The following CDH13 variants were observed in gnomAD, a reference collection of about 807,000 sequenced individuals.
CDH13 encodes the protein cadherin-13.
A neutral mutation model predicts 63.8 loss-of-function variants in CDH13; 24 were observed. The observed-to-expected ratio is 0.38, with a 90% confidence interval of 0.27 to 0.53. CDH13 has a LOEUF of 0.53. Among genes scored for constraint, CDH13 ranks in the 20% least tolerant of loss-of-function variants. CDH13 has a pLI of 0.85. For synonymous variants in CDH13, 503 were observed against 355.3 expected (o/e 1.42, Z -4.67); for missense variants, 1,049 against 903.1 (o/e 1.16, Z -2.07).
intron 5 of CDH13, among the ~76,000 whole-genome samples, chr16:83,301,587 A>G (rs557963202): frequency 6.6e-6 from 1 of 152,144 alleles, no homozygotes; most frequent in East Asian, 1.9e-4. Flanking sequence ...CCGACAGACT[A>G]TCTTCTCGGA....
In CDH13 at chr16:82,945,810, G is replaced by C. The variant is rs189540042; in HGVS notation, c.158-86200G>C. On this transcript the variant is annotated intron_variant, in intron 2 of 13. Coordinates refer to ENST00000567109, the MANE Select transcript of CDH13 (RefSeq NM_001257.5). Reference sequence around the variant, plus strand: ...CTAAAAAATATTTCCTGTGATTTAGGCACATGGAGAGGCACCGTGTTAGAG... The same window carrying C: ...CTAAAAAATATTTCCTGTGATTTAGCCACATGGAGAGGCACCGTGTTAGAG... 2.0e-5 allele frequency among the ~76,000 whole-genome samples: 3 copies of C among 152,188 alleles called. No individual in the cohort carries two copies. In the East Asian group the frequency reaches 5.8e-4, roughly 30 times the overall value.
chr16:83,530,478 C>A (rs1033191906), intron 7 of CDH13, among the ~76,000 whole-genome samples: 2 of 152,306 alleles, frequency 1.3e-5, no homozygotes, highest in South Asian at 4.1e-4. Context: ...TTCCTGAGAG[C>A]ACTGTGGCTC....
At chr16:83,302,857 C>G (rs1377911076) in intron 5 of CDH13, among the ~76,000 whole-genome samples, 2 of 152,208 alleles carry the variant, frequency 1.3e-5, no homozygotes, top group Admixed American at 6.5e-5. Context: ...CTAACTCAGA[C>G]TGATCTAAAC....
intron 6 of CDH13, among the ~76,000 whole-genome samples, chr16:83,432,111 G>C (rs1403931090): frequency 6.6e-6 from 1 of 152,190 alleles, no homozygotes; most frequent in African/African-American, 2.4e-5. Context: ...AGTGGAGGCA[G>C]GGTTGCTGTT....
chr16:82,813,405 GA>G (rs1368393085), intron 1 of CDH13, among the ~76,000 whole-genome samples: 3 of 152,140 alleles, frequency 2.0e-5, no homozygotes, highest in Non-Finnish European at 4.4e-5. Flanking sequence ...AGTGTTGCAT[GA>G]CTCTCAAGAT....
chr16:83,243,448 C>G (rs1904674949), intron 5 of CDH13, among the ~76,000 whole-genome samples: 1 of 152,076 alleles, frequency 6.6e-6, no homozygotes, highest in Non-Finnish European at 1.5e-5. Context: ...CAGGAAAGAC[C>G]TACCCCCATG....
At chr16:82,988,325 G>T (rs966688509) in intron 2 of CDH13, among the ~76,000 whole-genome samples, 4 of 151,802 alleles carry the variant, frequency 2.6e-5, no homozygotes, top group Non-Finnish European at 4.4e-5. Flanking sequence ...AATGTTTTTT[G>T]TTTTTTTTCT....
chr16:83,664,269 G>T lies in CDH13; in HGVS notation c.1102-6521G>T, dbSNP rs113875270. ...TGTAGTCACTTCAGGGCCTGACTAT[G>T]CCTTTTCTACTGTGACGTAGCTAGG... On this transcript the variant is annotated intron_variant, in intron 8 of 13. Coordinates refer to ENST00000567109, the MANE Select transcript of CDH13 (RefSeq NM_001257.5). 2.2e-3 allele frequency among the ~76,000 whole-genome samples: 330 copies of T among 152,186 alleles called. 2 individuals carry two copies. Among genetic ancestry groups the T allele is most frequent in the African/African-American group, 7.4e-3 (308 of 41,530 alleles).
intron 6 of CDH13, among the ~76,000 whole-genome samples, chr16:83,472,951 A>G (rs1436182866): frequency 6.6e-6 from 1 of 152,166 alleles, no homozygotes; most frequent in Non-Finnish European, 1.5e-5. Context: ...CAGTTCTGAC[A>G]TCCACGGTGG....
intron 6 of CDH13, among the ~76,000 whole-genome samples, chr16:83,410,265 T>C (rs566194839): frequency 6.6e-6 from 1 of 152,360 alleles, no homozygotes; most frequent in South Asian, 2.1e-4. Flanking sequence ...TCCTGCAGAA[T>C]CAAAACCACG....
At chr16:83,139,165 T>C (rs1000437096) in intron 4 of CDH13, among the ~76,000 whole-genome samples, 1 of 152,062 alleles carries the variant, frequency 6.6e-6, no homozygotes, top group African/African-American at 2.4e-5. Flanking sequence ...GTATGTTGCA[T>C]GGAGGTGGGC....
chr16:83,222,077 T>C (rs1246705582), intron 5 of CDH13, among the ~76,000 whole-genome samples: 1 of 152,208 alleles, frequency 6.6e-6, no homozygotes, highest in Non-Finnish European at 1.5e-5. Flanking sequence ...TCATCTCATC[T>C]TCATAAAGAT....
rs758043633 is a variant in CDH13, at chr16:83,197,734, G to A, written c.484-19611G>A. Among the ~76,000 whole-genome samples the A allele has an allele frequency of 6.6e-5, 10 of 151,726 alleles. No homozygotes were observed. The East Asian group carries it at 7.8e-4, about 12-fold the overall frequency. On this transcript the variant is annotated intron_variant, in intron 4 of 13. Transcript: ENST00000567109. The stretch of plus-strand genomic sequence containing the variant: ...TGGTGATGGATACGCAAGCCAATAC[G>A]TAGATAAAACTGCAAAAAACTAAAT...
intron 1 of CDH13, among the ~76,000 whole-genome samples, chr16:82,793,394 A>T (rs532465843): frequency 2.0e-4 from 30 of 151,172 alleles, no homozygotes; most frequent in African/African-American, 6.1e-4. Context: ...AAAAAAAATC[A>T]CTCCACCCCT....
chr16:83,265,753 T>TTTTTTTTTTTTC (rs369864549), intron 5 of CDH13, among the ~76,000 whole-genome samples: 1 of 132,548 alleles, frequency 7.5e-6, no homozygotes, highest in Non-Finnish European at 1.7e-5. Context: ...TTTTTTTTTT[T>TTTTTTTTTTTTC]GGTCTGTGTC....
At chr16:83,482,256 G>C (rs889661766) in intron 6 of CDH13, among the ~76,000 whole-genome samples, 1 of 152,216 alleles carries the variant, frequency 6.6e-6, no homozygotes, top group African/African-American at 2.4e-5. Flanking sequence ...CCGCGTGTCA[G>C]ACACTGGGCT....
At chr16:83,084,389 TTAAATGCCCTGGGC>T (rs1157128937) in intron 3 of CDH13, among the ~76,000 whole-genome samples, 1 of 152,216 alleles carries the variant, frequency 6.6e-6, no homozygotes, top group Non-Finnish European at 1.5e-5. Flanking sequence ...TCTTTGTGGT[TTAAATGCCCTGGGC>T]AGCTGAATTA....
Position 82,853,407 on chromosome 16 carries a change from T to C in CDH13, c.46-4955T>C, listed in dbSNP as rs113038646. ...TGAATATGGATTTAAATATAATACA[T>C]AGAAATAATAATAGCAAGCATTTAT... On this transcript the variant is annotated intron_variant, in intron 1 of 13. Coordinates refer to ENST00000567109, the MANE Select transcript of CDH13 (RefSeq NM_001257.5). Among the ~76,000 whole-genome samples, 839 of 152,352 alleles carry C rather than the reference T, an allele frequency of 5.5e-3. 7 individuals carry two copies. The highest frequency in any genetic ancestry group is 0.012 in the African/African-American group (481 of 41,584).
intron 4 of CDH13, among the ~76,000 whole-genome samples, chr16:83,197,478 A>T (rs919818206): frequency 6.6e-6 from 1 of 152,150 alleles, no homozygotes; most frequent in Non-Finnish European, 1.5e-5. Context: ...ATGCTCTCAA[A>T]TACTGGGTTT....
Sources: gnomAD v4.1 joint callset for allele counts (sites outside exome capture counted in the v4.1 genomes callset) on GRCh38, gnomAD v4.1.1 for gene constraint, MANE v1.5 for transcripts, NCBI Gene and HGNC (gene_info 2026-07-23, HGNC 2026-07-21) for gene names.